The following PLOD3 variants were observed in gnomAD, a reference collection of about 807,000 sequenced individuals.
PLOD3 encodes the protein procollagen-lysine,2-oxoglutarate 5-dioxygenase 3, also known as multifunctional procollagen lysine hydroxylase and glycosyltransferase LH3.
A neutral mutation model predicts 96.9 loss-of-function variants in PLOD3; 73 were observed. The observed-to-expected ratio is 0.75, with a 90% confidence interval of 0.62 to 0.92. PLOD3 has a LOEUF of 0.92. Among genes scored for constraint, PLOD3 ranks in the 40% least tolerant of loss-of-function variants. PLOD3 has a pLI of 0.00. For synonymous variants in PLOD3, 454 were observed against 413.7 expected, an observed-to-expected ratio of 1.10 and a Z score of -1.18; for missense variants, 1,004 against 1,004.3, an observed-to-expected ratio of 1.00 and a Z score of 0.00.
At position 101,216,761 on chromosome 7, in the gene PLOD3, G is replaced by A. The variant is rs752784817; in HGVS notation, c.135C>T (p.Ala45=). The part of the protein sequence containing the change: ...NPEKLLVITV[A]TAETEGYLRF... ...GCAGGTACCCCTCGGTTTCAGCTGT[G>A]GCCACAGTGATCACCAGCAGCTTCT... Residue 45 remains alanine, a synonymous_variant, in exon 2 of 19, where the codon GCC becomes GCT. Transcript: ENST00000223127. 1 of 1,613,662 alleles carries A rather than the reference G, an allele frequency of 6.2e-7. No individual in the cohort carries two copies. The highest frequency in any genetic ancestry group is 8.5e-7 in the Non-Finnish European group (1 of 1,179,624).
intron 12 of PLOD3, 68 bp downstream of exon 12, chr7:101,211,523 T>A (rs1798179965): frequency 6.6e-7 from 1 of 1,518,756 alleles, no homozygotes; most frequent in Admixed American, 2.0e-5. Flanking sequence ...CCCCTGAGAG[T>A]AGGGGGCTTG....
intron 12 of PLOD3, chr7:101,211,073 G>C: frequency 3.9e-6 from 1 of 254,980 alleles, no homozygotes; most frequent in Non-Finnish European, 7.7e-6. Context: ...TAGAGATGGG[G>C]TTTCACCATG....
At position 101,211,705 on chromosome 7, in the gene PLOD3, G is replaced by T. The variant is rs781436353; in HGVS notation, c.1244C>A (p.Ala415Asp). The change falls in exon 12 of 19, where the codon GCC (alanine) becomes GAC (aspartate). Residue 415 changes from alanine (A) to aspartate (D), a missense_variant. Physicochemically the swap from Ala to Asp is moderately radical, Grantham distance 126. Transcript: ENST00000223127. ...CTTGCCGTGGCGGGACAGCATGGGGGCGATCACCTTCCTGCGGACAGGTGG... is the reference window on the plus strand; with the variant it reads ...CTTGCCGTGGCGGGACAGCATGGGGTCGATCACCTTCCTGCGGACAGGTGG... ...ILIEENRKVI[A>D]PMLSRHGKLW... The T allele has an allele frequency of 6.2e-7, 1 of 1,605,404 alleles. No homozygotes were observed. The highest frequency in any genetic ancestry group is 8.5e-7 in the Non-Finnish European group (1 of 1,176,650).
Position 101,213,247 on chromosome 7 carries a change from G to C in PLOD3, c.680-43C>G, listed in dbSNP as rs147801321. 6.6e-4 allele frequency: 850 copies of C among 1,285,686 alleles called. 7 individuals are homozygous for C. The Middle Eastern group carries it at 0.021, about 32-fold the overall frequency. 79.6% of individuals were successfully genotyped at this position (1,285,686 alleles called of 1,614,324 possible). ...CAGGCTTCAGACCCCCTTTCTCTGGGAGCTACCAAGCAACACATTCTTCTA... is the reference window on the plus strand; with the variant it reads ...CAGGCTTCAGACCCCCTTTCTCTGGCAGCTACCAAGCAACACATTCTTCTA... On this transcript the variant is annotated intron_variant, in intron 6 of 18. Coordinates refer to ENST00000223127, the MANE Select transcript of PLOD3 (RefSeq NM_001084.5).
intron 18 of PLOD3, 24 bp from the exon 19 acceptor site, chr7:101,206,460 C>A (rs1248633574): frequency 6.3e-7 from 1 of 1,574,902 alleles, no homozygotes; most frequent in African/African-American, 1.4e-5. Flanking sequence ...GGAAAGGAAA[C>A]ATGGAGTGAG....
Position 101,210,379 on chromosome 7 carries a change from G to A in PLOD3, c.1566C>T (p.Asp522=), listed in dbSNP as rs1248406509. The change falls in exon 14 of 19, where the codon GAC becomes GAT. Residue 522 remains aspartate, a synonymous_variant. Transcript: ENST00000223127. The stretch of plus-strand genomic sequence containing the variant: ...AGAGGTCGGGGTGCAGGTGCTCCGT[G>A]TCGTATCTGGAAGTGGCCAGGAGCC... ...FGRLLATSRY[D]TEHLHPDLWQ... The A allele has an allele frequency of 5.6e-6, 9 of 1,614,206 alleles. No homozygotes were observed. The highest frequency in any genetic ancestry group is 7.6e-6 in the Non-Finnish European group (9 of 1,180,034).
At chr7:101,215,370 G>A (rs566333132) in intron 5 of PLOD3, among the ~76,000 whole-genome samples, 28 of 152,304 alleles carry the variant, frequency 1.8e-4, no homozygotes, top group Non-Finnish European at 5.9e-5. Context: ...GTGTCACCAC[G>A]CCTGGCTAAT....
chr7:101,216,477 G>A lies in PLOD3; in HGVS notation c.271C>T (p.Arg91Trp). The change falls in exon 3 of 19, where the codon CGG becomes TGG. Residue 91 changes from arginine (R) to tryptophan (W), a missense_variant. Physicochemically the swap from Arg to Trp is moderately radical, Grantham distance 101 (BLOSUM62 -3). Coordinates refer to ENST00000223127, the MANE Select transcript of PLOD3 (RefSeq NM_001084.5). ...ARTVGGGQKV[R>W]WLKKEMEKYA... is the part of the protein sequence containing the mutation. ...TTCTCCATTTCCTTCTTTAACCACCGGACCTTCTGTCCTCCACCAACTGTT... is the reference window on the plus strand; with the variant it reads ...TTCTCCATTTCCTTCTTTAACCACCAGACCTTCTGTCCTCCACCAACTGTT... 7 of 1,613,870 alleles carry A rather than the reference G, an allele frequency of 4.3e-6. No individual in the cohort carries two copies. The highest frequency in any genetic ancestry group is 5.9e-6 in the Non-Finnish European group (7 of 1,179,922).
At chr7:101,212,478 A>G (rs1584253614) in intron 9 of PLOD3, 52 bp downstream of exon 9, 2 of 1,604,986 alleles carry the variant, frequency 1.2e-6, no homozygotes, top group East Asian at 4.5e-5. Flanking sequence ...GAGAGTTCTG[A>G]TCAGGGCAGG....
chr7:101,206,949 AG>A (rs1229733086), intron 17 of PLOD3, 45 bp from the exon 18 acceptor site: 8 of 1,546,006 alleles, frequency 5.2e-6, no homozygotes, highest in Non-Finnish European at 2.6e-6. Flanking sequence ...CTGCGGGCGC[AG>A]GGGGTCTTTT....
At chr7:101,214,705 C>T (rs955227163) in intron 6 of PLOD3, among the ~76,000 whole-genome samples, 2 of 152,014 alleles carry the variant, frequency 1.3e-5, no homozygotes, top group African/African-American at 2.4e-5. Flanking sequence ...GGCGTGGTGG[C>T]GCATGCCTGT....
rs769885658 is a variant in PLOD3 at position 101,211,947 on chromosome 7, G to T, written c.1131C>A (p.Asp377Glu). ...SPGEARDMAM[D>E]LCRQDPECEF... ...CACACTCGGGGTCCTGCCGACACAG[G>T]TCCCTGGAGGTGAGAGGCGAGCTGA... is the stretch of plus-strand genomic sequence containing the variant. Residue 377 changes from aspartate to glutamate, a missense_variant, in exon 11 of 19, where the codon GAC (aspartate) becomes GAA (glutamate). This residue lies in a region of PLOD3 where 690 missense variants were observed against 650.2 expected (regional missense o/e 1.06). Coordinates refer to ENST00000223127, the MANE Select transcript of PLOD3 (RefSeq NM_001084.5). The T allele has an allele frequency of 6.2e-7, 1 of 1,600,108 alleles. No individual in the cohort carries two copies. Among genetic ancestry groups the T allele is most frequent in the Non-Finnish European group, 8.5e-7 (1 of 1,173,336 alleles).
Position 101,216,196 on chromosome 7 carries a change from C to A in PLOD3, c.469G>T (p.Val157Leu). 2 of 1,614,068 alleles carry A rather than the reference C, an allele frequency of 1.2e-6. No homozygotes were observed. Among genetic ancestry groups the A allele is most frequent in the Non-Finnish European group, 1.7e-6 (2 of 1,180,034 alleles). The change falls in exon 4 of 19, where the codon GTG (valine) becomes TTG (leucine). Residue 157 changes from valine to leucine, a missense_variant. By Grantham distance (32) the Val-to-Leu change is conservative. Coordinates refer to ENST00000223127, the MANE Select transcript of PLOD3 (RefSeq NM_001084.5). ...EWGLAEQYPE[V>L]GTGKRFLNSG... ...TTGAGGAAGCGCTTCCCCGTGCCCA[C>A]CTCAGGGTACTGCTCCGCCAGCCCC...
chr7:101,216,319 C>T lies in PLOD3; in HGVS notation c.346G>A (p.Val116Met), dbSNP rs145634314. ...TCTGTGGGGCTGCCGGCCAGAATCA[C>T]GTCGTAGCTGGGTGAGGAAGGGGAG... ...MIIMFVDSYD[V>M]ILAGSPTELL... The change falls in exon 4 of 19, where the codon GTG becomes ATG. Residue 116 changes from valine to methionine, a missense_variant. By Grantham distance (21) the Val-to-Met change is conservative. Transcript: ENST00000223127. 9.7e-5 allele frequency: 157 copies of T among 1,613,412 alleles called. No individual in the cohort carries two copies. Among genetic ancestry groups the T allele is most frequent in the Non-Finnish European group, 1.2e-4 (146 of 1,180,018 alleles).
intron 6 of PLOD3, among the ~76,000 whole-genome samples, chr7:101,214,713 T>G (rs1251475231): frequency 6.6e-6 from 1 of 152,066 alleles, no homozygotes; most frequent in Non-Finnish European, 1.5e-5. Context: ...GGCGCATGCC[T>G]GTAATCCCAG....
intron 6 of PLOD3, chr7:101,213,458 A>G: frequency 1.8e-6 from 1 of 550,982 alleles, no homozygotes; most frequent in South Asian, 2.1e-5. Flanking sequence ...GCGGGAGGCC[A>G]GTAGGAGCCT....
chr7:101,207,360 C>T (rs957167978), intron 17 of PLOD3, among the ~76,000 whole-genome samples: 19 of 152,080 alleles, frequency 1.2e-4, no homozygotes, highest in East Asian at 3.9e-4. Flanking sequence ...AGGAGGCTCT[C>T]GCTGCTCACT....
intron 17 of PLOD3, among the ~76,000 whole-genome samples, chr7:101,207,164 C>G (rs563094929): frequency 6.6e-5 from 10 of 152,100 alleles, no homozygotes; most frequent in Middle Eastern, 6.8e-3. Context: ...TTAGTAGAGA[C>G]GAGGTTTCAC....
At chr7:101,217,103 C>G in intron 1 of PLOD3, 63 bp downstream of exon 1, 1 of 1,429,628 alleles carries the variant, frequency 7.0e-7, no homozygotes. Flanking sequence ...CCTCTCCGGG[C>G]CAGGCTGGCA....
Sources: allele counts gnomAD v4.1 joint callset (sites outside exome capture counted in the v4.1 genomes callset), GRCh38; gene constraint gnomAD v4.1.1; regional missense constraint gnomAD v4.1.1; transcripts MANE v1.5; gene names NCBI Gene and HGNC (gene_info 2026-07-23, HGNC 2026-07-21).